The following RUNX1 variants were observed in gnomAD, a reference collection of about 807,000 sequenced individuals.
RUNX1 encodes the protein RUNX family transcription factor 1, also known as runt-related transcription factor 1.
Under a neutral mutation model 42.8 loss-of-function variants are expected in RUNX1, and 19 were observed. The observed-to-expected ratio is 0.44, with a 90% CI of 0.31 to 0.65. The LOEUF is 0.65. RUNX1 is among the 30% of genes least tolerant of loss of function. The probability of loss-of-function intolerance (pLI) is 0.07; values close to 1 mark genes in which losing one functional copy is unlikely to be tolerated. For synonymous variants in RUNX1, 271 were observed against 289.4 expected (o/e 0.94, Z 0.64); for missense variants, 528 against 672.0 (o/e 0.79, Z 2.37).
At chr21:34,967,471 C>T (rs1042491241) in intron 2 of RUNX1, among the ~76,000 whole-genome samples, 12 of 150,664 alleles carry the variant, frequency 8.0e-5, no homozygotes, top group Admixed American at 1.3e-4. Flanking sequence ...GGCTGAACTT[C>T]GCCATCCAGC....
rs886057029 is a variant in RUNX1 at position 34,787,988 on chromosome 21, G to C, written c.*4147C>G. On this transcript the variant is annotated 3_prime_UTR_variant, in exon 9 of 9. Coordinates refer to ENST00000675419, the MANE Select transcript of RUNX1 (RefSeq NM_001754.5). Reference sequence around the variant, plus strand: ...GAGAGGGGAGGCGGCCCACCCGACTGTGTACCGTGGACTGTGGACAGTGCA... The same window carrying C: ...GAGAGGGGAGGCGGCCCACCCGACTCTGTACCGTGGACTGTGGACAGTGCA... 7 of 233,296 alleles carry C rather than the reference G, an allele frequency of 3.0e-5. No homozygotes were observed. Among genetic ancestry groups the C allele is most frequent in the Non-Finnish European group, 5.9e-5 (7 of 118,142 alleles). The allele number at this position is 233,296 out of a possible 1,614,324, so 14.5% of individuals were successfully genotyped here.
chr21:34,854,978 CAA>C lies in RUNX1; in HGVS notation c.613+4494_613+4495del, dbSNP rs999682444. Among the ~76,000 whole-genome samples, 110 of 152,176 alleles carry C rather than the reference CAA, an allele frequency of 7.2e-4. 1 individual carries two copies. The highest frequency in any genetic ancestry group is 2.5e-3 in the African/African-American group (104 of 41,514). ...AACTATATTTAATTAAACAAACAAA[CAA>C]AAAAATCAAGAGCTCAAGCAGAACA... is the stretch of plus-strand genomic sequence containing the variant. On this transcript the variant is annotated intron_variant, in intron 6 of 8. Transcript: ENST00000675419.
rs1366776979 is a variant in RUNX1, at chr21:34,859,536, G to A, written c.551C>T (p.Pro184Leu). ...GGCTCTGTGGTAGGTGGCGACTTGCGGTGGGTTTGTGAAGACAGTGATGGT... is the reference window on the plus strand; with the variant it reads ...GGCTCTGTGGTAGGTGGCGACTTGCAGTGGGTTTGTGAAGACAGTGATGGT... ...TLTITVFTNP[P>L]QVATYHRAIK... The change falls in exon 6 of 9, where the codon CCG becomes CTG. Residue 184 changes from proline to leucine, a missense_variant. By Grantham distance (98) the Pro-to-Leu change is moderately conservative. This residue lies in a region of RUNX1 where 83 missense variants were observed against 174.5 expected (regional missense o/e 0.48). Coordinates refer to ENST00000675419, the MANE Select transcript of RUNX1 (RefSeq NM_001754.5). 1.2e-6 allele frequency: 2 copies of A among 1,614,186 alleles called. No individual in the cohort carries two copies. Among genetic ancestry groups the A allele is most frequent in the South Asian group, 2.2e-5 (2 of 91,082 alleles).
At chr21:35,007,405 C>T (rs967011882) in intron 2 of RUNX1, among the ~76,000 whole-genome samples, 30 of 152,186 alleles carry the variant, frequency 2.0e-4, no homozygotes, top group Non-Finnish European at 1.3e-4. Context: ...CACCCCAGAA[C>T]TGTGCCTTAA....
intron 2 of RUNX1, among the ~76,000 whole-genome samples, chr21:34,937,187 C>T (rs1455845794): frequency 1.3e-5 from 2 of 152,070 alleles, no homozygotes; most frequent in Non-Finnish European, 2.9e-5. Context: ...GCTGGACTGA[C>T]TTATGCAACA....
At chr21:34,832,280 T>C (rs1018788361) in intron 7 of RUNX1, among the ~76,000 whole-genome samples, 6 of 152,310 alleles carry the variant, frequency 3.9e-5, no homozygotes, top group Middle Eastern at 3.4e-3. Context: ...GAGAACTCAA[T>C]GTGCAACTTC....
chr21:34,894,991 A>AT (rs1298401385), intron 2 of RUNX1, among the ~76,000 whole-genome samples: 2 of 151,330 alleles, frequency 1.3e-5, no homozygotes, highest in Non-Finnish European at 2.9e-5. Context: ...GATCATGATT[A>AT]TTTTTGTGGC....
At chr21:34,900,331 T>C (rs1406592953) in intron 2 of RUNX1, among the ~76,000 whole-genome samples, 2 of 152,212 alleles carry the variant, frequency 1.3e-5, no homozygotes, top group Non-Finnish European at 2.9e-5. Context: ...GGCTACCATA[T>C]TGGACAGTAC....
intron 7 of RUNX1, among the ~76,000 whole-genome samples, chr21:34,816,955 C>G (rs1046168435): frequency 6.6e-6 from 1 of 152,196 alleles, no homozygotes; most frequent in African/African-American, 2.4e-5. Context: ...CTGGTGGTTC[C>G]ATGGTCTCCA....
chr21:34,858,264 A>G lies in RUNX1; in HGVS notation c.613+1210T>C, dbSNP rs1421734259. ...CTGCCGTGATCACAGGATAGCCTGC[A>G]GAGAACTACCTTAAAACCCCACCTA... On this transcript the variant is annotated intron_variant, in intron 6 of 8. Transcript: ENST00000675419. Among the ~76,000 whole-genome samples the G allele has an allele frequency of 3.9e-5, 6 of 152,188 alleles. No individual in the cohort carries two copies. In the East Asian group the frequency reaches 1.2e-3, roughly 29 times the overall value.
At chr21:34,939,334 T>C (rs1293278736) in intron 2 of RUNX1, among the ~76,000 whole-genome samples, 1 of 152,242 alleles carries the variant, frequency 6.6e-6, no homozygotes, top group Non-Finnish European at 1.5e-5. Context: ...GAAATGGTCA[T>C]GTCTGCTGGG....
intron 6 of RUNX1, among the ~76,000 whole-genome samples, chr21:34,851,069 G>A (rs963153578): frequency 6.6e-6 from 1 of 152,170 alleles, no homozygotes; most frequent in Non-Finnish European, 1.5e-5. Flanking sequence ...CCCAGGAATC[G>A]GCTCTCATAG....
intron 5 of RUNX1, among the ~76,000 whole-genome samples, chr21:34,866,220 C>T (rs11701104): frequency 0.17 from 26,575 of 152,162 alleles, 2,683 homozygotes; most frequent in Non-Finnish European, 0.23. Flanking sequence ...GAAACACAAT[C>T]GCAACATTTT....
chr21:34,787,971 A>T lies in RUNX1; in HGVS notation c.*4164T>A, dbSNP rs2056388823. The stretch of plus-strand genomic sequence containing the variant: ...ACGACGAATGCTCCCAGGAGAGGGG[A>T]GGCGGCCCACCCGACTGTGTACCGT... On this transcript the variant is annotated 3_prime_UTR_variant, in exon 9 of 9. Coordinates refer to ENST00000675419, the MANE Select transcript of RUNX1 (RefSeq NM_001754.5). 8.6e-6 allele frequency: 2 copies of T among 233,202 alleles called. No individual in the cohort carries two copies. Among genetic ancestry groups the T allele is most frequent in the African/African-American group, 4.4e-5 (2 of 45,326 alleles). 14.4% of individuals were successfully genotyped at this position (233,202 alleles called of 1,614,324 possible). A position where few individuals can be genotyped will look rare whatever the true frequency, so the allele number is the denominator to read the frequency against.
At chr21:34,886,500 G>C (rs1156350093) in intron 4 of RUNX1, among the ~76,000 whole-genome samples, 1 of 152,244 alleles carries the variant, frequency 6.6e-6, no homozygotes, top group Non-Finnish European at 1.5e-5. Flanking sequence ...TAAGTTAGCA[G>C]ACGGGCTGTC....
chr21:34,954,395 T>C (rs2058630124), intron 2 of RUNX1, among the ~76,000 whole-genome samples: 1 of 152,134 alleles, frequency 6.6e-6, no homozygotes, highest in Admixed American at 6.5e-5. Flanking sequence ...GATTGTTTCA[T>C]TGCAGGGGTC....
intron 2 of RUNX1, among the ~76,000 whole-genome samples, chr21:34,924,617 G>C (rs1255524769): frequency 6.6e-6 from 1 of 152,128 alleles, no homozygotes; most frequent in Non-Finnish European, 1.5e-5. Context: ...AAGTCTCCTT[G>C]GGCATGAGAC....
rs188062405 is a variant in RUNX1 at position 34,977,280 on chromosome 21, G to A, written c.58+71562C>T. 1.2e-4 allele frequency among the ~76,000 whole-genome samples: 18 copies of A among 152,316 alleles called. No homozygotes were observed. The East Asian group carries it at 3.3e-3, about 28-fold the overall frequency. On this transcript the variant is annotated intron_variant, in intron 2 of 8. Transcript: ENST00000675419. ...AAGATCGATGGCTCATCCTTCTGAA[G>A]AAGGGAATTTTGAGCCAATATAATA...
chr21:34,888,858 C>A (rs758139113), intron 3 of RUNX1, among the ~76,000 whole-genome samples: 4 of 151,738 alleles, frequency 2.6e-5, no homozygotes, highest in Admixed American at 2.6e-4. Flanking sequence ...CCCGCGCGCC[C>A]CCGCCGCCGC....
Sources: allele counts gnomAD v4.1 joint callset (sites outside exome capture counted in the v4.1 genomes callset), GRCh38; gene constraint gnomAD v4.1.1; regional missense constraint gnomAD v4.1.1; transcripts MANE v1.5; gene names NCBI Gene and HGNC (gene_info 2026-07-23, HGNC 2026-07-21).